The following SCRG1 variants were observed in gnomAD, a reference collection of about 807,000 sequenced individuals.
SCRG1 encodes scrapie-responsive protein 1.
In SCRG1, 3 loss-of-function variants were observed where a neutral mutation model predicts 7.7. The observed-to-expected ratio is 0.39, with a 90% CI of 0.18 to 1.01. The LOEUF (loss-of-function observed/expected upper bound fraction) is 1.01. Ranked by LOEUF, SCRG1 falls within the 50% of genes least tolerant of loss-of-function variation. The pLI, the probability that SCRG1 is intolerant of heterozygous loss-of-function variation, is 0.36. For missense variants in SCRG1, 110 were observed against 117.2 expected (o/e 0.94, Z 0.28); for synonymous variants, 46 against 41.2 (o/e 1.12, Z -0.44).
chr4:173,456,343 T>C, the SCRG1 span, among the ~76,000 whole-genome samples: 4 of 152,222 alleles, frequency 2.6e-5, no homozygotes, highest in Non-Finnish European at 5.9e-5. Context: ...CATGCCAAAG[T>C]ATATCTTAAC....
the SCRG1 span, among the ~76,000 whole-genome samples, chr4:173,475,051 C>A: frequency 6.6e-6 from 1 of 151,404 alleles, no homozygotes; most frequent in East Asian, 1.9e-4. Context: ...CTCTCTTTTC[C>A]TCTGTATTCT....
chr4:173,481,879 G>C, the SCRG1 span, among the ~76,000 whole-genome samples: 1,115 of 152,198 alleles, frequency 7.3e-3, 2 homozygotes, highest in Non-Finnish European at 0.012. Context: ...TATTAGTAAA[G>C]TGTTTGGGGA....
At chr4:173,492,181 A>C in the SCRG1 span, among the ~76,000 whole-genome samples, 1 of 145,472 alleles carries the variant, frequency 6.9e-6, no homozygotes, top group African/African-American at 2.8e-5. Context: ...ATCAAGTATC[A>C]AAACAGGCAG....
At chr4:173,411,020 G>A (rs1740023707), upstream of SCRG1, among the ~76,000 whole-genome samples, 1 of 152,188 alleles carries the variant, frequency 6.6e-6, no homozygotes, top group African/African-American at 2.4e-5. Context: ...GGCAGAGTGT[G>A]CAGTGAGACA....
chr4:173,431,171 G>A, the SCRG1 span, among the ~76,000 whole-genome samples: 1 of 152,076 alleles, frequency 6.6e-6, no homozygotes, highest in Non-Finnish European at 1.5e-5. Context: ...AAGAGAAAAG[G>A]CAAACAGAGT....
the SCRG1 span, among the ~76,000 whole-genome samples, chr4:173,477,196 C>T: frequency 6.6e-6 from 1 of 152,254 alleles, no homozygotes; most frequent in Non-Finnish European, 1.5e-5. Context: ...CTGCTGCTCA[C>T]TTATCTCGTG....
the SCRG1 span, among the ~76,000 whole-genome samples, chr4:173,499,685 A>G: frequency 1.3e-5 from 2 of 152,164 alleles, no homozygotes; most frequent in Non-Finnish European, 2.9e-5. This position sits in a 1 kb window ranked among gnomAD's most constrained non-coding sequence, Gnocchi z 4.1. Flanking sequence ...CCTAGGACAG[A>G]TTCAGTTCTT....
At chr4:173,424,923 T>TAAAATAAAATAAAAC in the SCRG1 span, among the ~76,000 whole-genome samples, 6 of 151,188 alleles carry the variant, frequency 4.0e-5, 1 homozygote, top group African/African-American at 1.5e-4. Flanking sequence ...TAAAATAAAA[T>TAAAATAAAATAAAAC]AAAACAAAAC....
the SCRG1 span, among the ~76,000 whole-genome samples, chr4:173,500,629 G>A: frequency 6.6e-6 from 1 of 152,086 alleles, no homozygotes; most frequent in Non-Finnish European, 1.5e-5. Context: ...ACAGGCCTCC[G>A]CTACCACGCC....
chr4:173,460,483 A>T, the SCRG1 span, among the ~76,000 whole-genome samples: 2 of 152,208 alleles, frequency 1.3e-5, no homozygotes, highest in Admixed American at 6.5e-5. Flanking sequence ...GCTAAGCCAC[A>T]GTAGGATATG....
chr4:173,486,221 G>T, the SCRG1 span, among the ~76,000 whole-genome samples: 1 of 152,080 alleles, frequency 6.6e-6, no homozygotes, highest in Non-Finnish European at 1.5e-5. Flanking sequence ...AAAGATTAAA[G>T]CAATTTCATC....
At chr4:173,460,114 C>T in the SCRG1 span, among the ~76,000 whole-genome samples, 1 of 152,196 alleles carries the variant, frequency 6.6e-6, no homozygotes, top group Non-Finnish European at 1.5e-5. Context: ...AAAATACCTT[C>T]GTAAGAACCA....
At chr4:173,415,140 T>C in the SCRG1 span, among the ~76,000 whole-genome samples, 13 of 152,228 alleles carry the variant, frequency 8.5e-5, no homozygotes, top group African/African-American at 2.9e-4. Context: ...TAAAGATGAC[T>C]AGTGTGAATA....
At chr4:173,442,085 A>G in the SCRG1 span, among the ~76,000 whole-genome samples, 8 of 152,234 alleles carry the variant, frequency 5.3e-5, no homozygotes, top group Non-Finnish European at 1.0e-4. Context: ...TCGGGCAGGA[A>G]GAAATATTTC....
At chr4:173,446,490 T>C in the SCRG1 span, 267 of 152,322 alleles carry the variant, frequency 1.8e-3, 1 homozygote, top group African/African-American at 6.3e-3. Context: ...TAAATATATA[T>C]ATGTTTTGGT....
the SCRG1 span, among the ~76,000 whole-genome samples, chr4:173,516,518 ACG>A: frequency 6.6e-6 from 1 of 152,216 alleles, no homozygotes; most frequent in Non-Finnish European, 1.5e-5. Context: ...GCTCTCGTTT[ACG>A]CCCAATCATA....
the SCRG1 span, among the ~76,000 whole-genome samples, chr4:173,483,682 AT>A: frequency 4.0e-4 from 4 of 9,976 alleles, no homozygotes; most frequent in South Asian, 4.5e-3. Flanking sequence ...TATATGATAT[AT>A]TATATTGTGA....
At chr4:173,509,532 C>T in the SCRG1 span, among the ~76,000 whole-genome samples, 11 of 152,228 alleles carry the variant, frequency 7.2e-5, no homozygotes. The surrounding 1 kb of genome is among the most constrained non-coding windows in gnomAD (Gnocchi z 5.7). Flanking sequence ...CTCGCAGCCT[C>T]TCCCCAGGGC....
the SCRG1 span, among the ~76,000 whole-genome samples, chr4:173,496,900 A>G: frequency 6.6e-6 from 1 of 152,038 alleles, no homozygotes; most frequent in Admixed American, 6.6e-5. Context: ...AGGTCAGGAG[A>G]TCGAGTCCAT....
Sources: gnomAD v4.1 joint callset for allele counts (sites outside exome capture counted in the v4.1 genomes callset) on GRCh38, gnomAD v4.1.1 for gene constraint, Gnocchi (gnomAD v3.1) non-coding constraint, MANE v1.5 for transcripts, NCBI Gene and HGNC (gene_info 2026-07-23, HGNC 2026-07-21) for gene names.